ZNF638: variants seen among roughly 807,000 people sequenced by gnomAD.
The protein encoded by ZNF638 is CTCL tumor antigen se33-1.
Under a neutral mutation model 195.6 loss-of-function variants are expected in ZNF638, and 46 were observed. The observed-to-expected ratio is 0.24, with a 90% CI of 0.19 to 0.30. The LOEUF (loss-of-function observed/expected upper bound fraction) is 0.30. Ranked by LOEUF, ZNF638 falls within the 10% of genes least tolerant of loss-of-function variation. ZNF638 has a pLI of 1.00. For missense variants in ZNF638, 2,440 were observed against 2,325.3 expected (o/e 1.05, Z -1.01); for synonymous variants, 845 against 772.0 (o/e 1.09, Z -1.57).
intron 20 of ZNF638, among the ~76,000 whole-genome samples, chr2:71,410,938 G>A (rs1029954543): frequency 3.5e-5 from 5 of 144,238 alleles, no homozygotes; most frequent in South Asian, 4.5e-4. Flanking sequence ...CTCATTTCCT[G>A]CATCCTGCTT....
At chr2:71,425,259 A>T (rs2080515187) in intron 23 of ZNF638, among the ~76,000 whole-genome samples, 1 of 151,824 alleles carries the variant, frequency 6.6e-6, no homozygotes, top group African/African-American at 2.4e-5. Flanking sequence ...CTGGTAGGGG[A>T]TAGATTTGGG....
intron 2 of ZNF638, among the ~76,000 whole-genome samples, chr2:71,352,087 C>T (rs985792952): frequency 4.6e-5 from 7 of 152,156 alleles, no homozygotes; most frequent in Non-Finnish European, 1.0e-4. Flanking sequence ...ACTAAATGCA[C>T]TAAGTCTGTC....
In ZNF638 at chr2:71,348,901, C is replaced by G; in HGVS notation, c.-54C>G. The G allele has an allele frequency of 3.1e-6, 5 of 1,614,104 alleles. No homozygotes were observed. Among genetic ancestry groups the G allele is most frequent in the Non-Finnish European group, 4.2e-6 (5 of 1,180,016 alleles). ...TCAGCAGCTGAATGCCGTTGCCTCACATGGTTCAACACCACCTTATACTTT... is the reference window on the plus strand; with the variant it reads ...TCAGCAGCTGAATGCCGTTGCCTCAGATGGTTCAACACCACCTTATACTTT... On this transcript the variant is annotated 5_prime_UTR_variant, in exon 2 of 28. Transcript: ENST00000264447.
At chr2:71,377,206 C>G (rs1387202301) in intron 8 of ZNF638, among the ~76,000 whole-genome samples, 1 of 152,030 alleles carries the variant, frequency 6.6e-6, no homozygotes, top group Non-Finnish European at 1.5e-5. Context: ...CGGAGGTTGG[C>G]TGGGTGACGG....
At chr2:71,381,796 C>T (rs1169655051) in intron 10 of ZNF638, among the ~76,000 whole-genome samples, 1 of 152,030 alleles carries the variant, frequency 6.6e-6, no homozygotes, top group Non-Finnish European at 1.5e-5. Context: ...TCCACTGTTT[C>T]CTAAGCTTGG....
At chr2:71,418,719 T>A in intron 21 of ZNF638, 80 bp downstream of exon 21, 1 of 1,001,528 alleles carries the variant, frequency 1.0e-6, no homozygotes, top group Non-Finnish European at 1.4e-6. Flanking sequence ...TAGTAATGGC[T>A]CACATGTAGT....
chr2:71,331,982 C>T, intron 1 of ZNF638, 107 bp downstream of exon 1: 1 of 955,756 alleles, frequency 1.0e-6, no homozygotes, highest in Non-Finnish European at 1.2e-6. Context: ...GTATCTGTGT[C>T]GCAGCGGCTC....
intron 16 of ZNF638, among the ~76,000 whole-genome samples, chr2:71,402,669 A>G (rs769845078): frequency 1.3e-5 from 2 of 152,186 alleles, no homozygotes; most frequent in African/African-American, 4.8e-5. Flanking sequence ...TAAATTTTCT[A>G]TAAGCATCTG....
intron 8 of ZNF638, among the ~76,000 whole-genome samples, chr2:71,371,013 TC>T (rs2104304862): frequency 6.6e-6 from 1 of 152,266 alleles, no homozygotes; most frequent in South Asian, 2.1e-4. Flanking sequence ...CCTTCGACTT[TC>T]TGTCTCCATG....
rs1323926859 is a variant in ZNF638 at position 71,424,689 on chromosome 2, A to G, written c.4564A>G (p.Thr1522Ala). The G allele has an allele frequency of 3.7e-6, 6 of 1,613,118 alleles. No homozygotes were observed. The highest frequency in any genetic ancestry group is 3.3e-5 in the Admixed American group (2 of 59,904). The change falls in exon 23 of 28, where the codon ACT (threonine) becomes GCT (alanine). Residue 1522 changes from threonine (T) to alanine (A), a missense_variant. Thr to Ala is a moderately conservative substitution (Grantham distance 58). This residue lies in a region of ZNF638 where 1,883 missense variants were observed against 1,739.1 expected (regional missense o/e 1.08). Coordinates refer to ENST00000264447, the MANE Select transcript of ZNF638 (RefSeq NM_014497.5). ...EQNTKNPKST[T>A]GRSSKSKEEP... The stretch of plus-strand genomic sequence containing the variant: ...AAACACTAAGAATCCTAAAAGCACT[A>G]CTGGTAGAAGTTCCAAATCTAAAGA...
Position 71,349,228 on chromosome 2 carries a change from G to C in ZNF638, c.274G>C (p.Ala92Pro). 2 of 1,614,154 alleles carry C rather than the reference G, an allele frequency of 1.2e-6. No homozygotes were observed. Among genetic ancestry groups the C allele is most frequent in the Non-Finnish European group, 1.7e-6 (2 of 1,180,038 alleles). Residue 92 changes from alanine to proline, a missense_variant, in exon 2 of 28, where the codon GCA (alanine) becomes CCA (proline). Ala to Pro is a conservative substitution (Grantham distance 27). Around this residue, in one of 5 missense-constraint regions of ZNF638, gnomAD observed 191 missense variants for 173.8 expected, o/e 1.10. Transcript: ENST00000264447. ...CAAAGAAAAACTGGATTTTCATGAAGCACAACAGAAGAAGGGGAAGCCTCA... is the reference window on the plus strand; with the variant it reads ...CAAAGAAAAACTGGATTTTCATGAACCACAACAGAAGAAGGGGAAGCCTCA... ...LTKEKLDFHEAQQKKGKPHGS... is the reference protein window; with the variant it reads ...LTKEKLDFHEPQQKKGKPHGS...
At chr2:71,404,827 T>A (rs1297447497) in intron 17 of ZNF638, among the ~76,000 whole-genome samples, 1 of 152,124 alleles carries the variant, frequency 6.6e-6, no homozygotes, top group Non-Finnish European at 1.5e-5. Flanking sequence ...TCAGCTTTTA[T>A]CTCATGTACA....
At chr2:71,398,317 T>G (rs1212318932) in intron 11 of ZNF638, among the ~76,000 whole-genome samples, 1 of 152,128 alleles carries the variant, frequency 6.6e-6, no homozygotes, top group Non-Finnish European at 1.5e-5. Context: ...TGAAGGCAAT[T>G]TTATACAGTG....
chr2:71,350,023 A>G lies in ZNF638; in HGVS notation c.1069A>G (p.Ile357Val). Residue 357 changes from isoleucine to valine, a missense_variant, in exon 2 of 28, where the codon ATT becomes GTT. By Grantham distance (29) the Ile-to-Val change is conservative. Coordinates refer to ENST00000264447, the MANE Select transcript of ZNF638 (RefSeq NM_014497.5). Reference sequence around the variant, plus strand: ...AGAGCGGATCCCACATGAACCTGTGATTAATTCATCTAACGTACATGTTGG... The same window carrying G: ...AGAGCGGATCCCACATGAACCTGTGGTTAATTCATCTAACGTACATGTTGG... ...QQERIPHEPV[I>V]NSSNVHVGSR... is the part of the protein sequence containing the mutation. The G allele has an allele frequency of 1.9e-6, 3 of 1,614,236 alleles. No homozygotes were observed. Among genetic ancestry groups the G allele is most frequent in the Non-Finnish European group, 2.5e-6 (3 of 1,180,040 alleles).
At chr2:71,352,555 C>T (rs1353092538) in intron 2 of ZNF638, among the ~76,000 whole-genome samples, 4 of 150,210 alleles carry the variant, frequency 2.7e-5, no homozygotes, top group Non-Finnish European at 5.9e-5. Context: ...GGCAGAGGTC[C>T]GGAGAGAAGA....
intron 1 of ZNF638, among the ~76,000 whole-genome samples, chr2:71,332,532 T>C (rs2078591085): frequency 6.6e-6 from 1 of 152,160 alleles, no homozygotes; most frequent in Non-Finnish European, 1.5e-5. Context: ...TGTGGGAGAC[T>C]GAGGACTCAT....
At chr2:71,412,176 T>C (rs1573145057) in intron 20 of ZNF638, among the ~76,000 whole-genome samples, 1 of 42,000 alleles carries the variant, frequency 2.4e-5, no homozygotes, top group East Asian at 1.5e-3. Context: ...TTCTAACTGG[T>C]GTGAGATGAT....
intron 8 of ZNF638, among the ~76,000 whole-genome samples, chr2:71,377,572 A>C (rs1407283553): frequency 6.6e-6 from 1 of 152,238 alleles, no homozygotes; most frequent in Non-Finnish European, 1.5e-5. Context: ...TTTAATTCTG[A>C]AACTATTTCT....
chr2:71,418,766 A>C, intron 21 of ZNF638, 127 bp downstream of exon 21: 1 of 557,020 alleles, frequency 1.8e-6, no homozygotes, highest in East Asian at 3.2e-5. Context: ...TTGTGTACAT[A>C]TGGGCTTGTT....
Sources: gnomAD v4.1 joint callset for allele counts (sites outside exome capture counted in the v4.1 genomes callset) on GRCh38, gnomAD v4.1.1 for gene constraint, gnomAD v4.1.1 regional missense constraint, MANE v1.5 for transcripts, NCBI Gene and HGNC (gene_info 2026-07-23, HGNC 2026-07-21) for gene names.